HNF4A: variants seen among roughly 807,000 people sequenced by gnomAD.
HNF4A encodes the protein hepatocyte nuclear factor 4 alpha, also known as hepatocyte nuclear factor 4-alpha.
A neutral mutation model predicts 52.4 loss-of-function variants in HNF4A; 15 were observed. The observed-to-expected ratio is 0.29, with a 90% CI of 0.19 to 0.44. The LOEUF is 0.44. Among genes scored for constraint, HNF4A ranks in the 20% least tolerant of loss-of-function variants. The pLI, the probability that HNF4A is intolerant of heterozygous loss-of-function variation, is 1.00. For synonymous variants in HNF4A, 280 were observed against 264.4 expected (o/e 1.06, Z -0.57); for missense variants, 479 against 647.2 (o/e 0.74, Z 2.82).
intron 1 of HNF4A, among the ~76,000 whole-genome samples, chr20:44,362,106 T>C (rs1274938170): frequency 1.3e-5 from 2 of 152,158 alleles, no homozygotes; most frequent in African/African-American, 4.8e-5. Flanking sequence ...TGATTAATCT[T>C]ATTCCTAAAA....
chr20:44,359,301 C>A (rs1382418820), intron 1 of HNF4A, among the ~76,000 whole-genome samples: 1 of 152,210 alleles, frequency 6.6e-6, no homozygotes, highest in Non-Finnish European at 1.5e-5. Context: ...CCCATTATAA[C>A]CCAAACTGGC....
intron 1 of HNF4A, among the ~76,000 whole-genome samples, chr20:44,392,791 A>G (rs1196867357): frequency 6.6e-6 from 1 of 152,220 alleles, no homozygotes; most frequent in African/African-American, 2.4e-5. Flanking sequence ...CTGGAACCAG[A>G]GCTGGGGCAG....
At chr20:44,390,735 A>T (rs1046369832) in intron 1 of HNF4A, 23 of 692,922 alleles carry the variant, frequency 3.3e-5, no homozygotes, top group Middle Eastern at 2.3e-4. Flanking sequence ...TAGGAGAGAG[A>T]CACAGAACCA....
chr20:44,377,378 C>T (rs547069846), intron 1 of HNF4A, among the ~76,000 whole-genome samples: 1 of 152,198 alleles, frequency 6.6e-6, no homozygotes, highest in East Asian at 1.9e-4. Context: ...ACTGGAAACC[C>T]CAGCATCATG....
At chr20:44,368,087 T>A (rs934668705) in intron 1 of HNF4A, among the ~76,000 whole-genome samples, 13 of 44,578 alleles carry the variant, frequency 2.9e-4, no homozygotes, top group African/African-American at 1.2e-3. Flanking sequence ...TATATATATA[T>A]GTGTGTGTGT....
intron 3 of HNF4A, among the ~76,000 whole-genome samples, chr20:44,409,463 C>T (rs1243604231): frequency 6.6e-6 from 1 of 152,178 alleles, no homozygotes; most frequent in African/African-American, 2.4e-5. Flanking sequence ...CACTATGATT[C>T]CTCATAGGTG....
chr20:44,368,160 A>ATTTTTTTTTTTTTTTTTTTT (rs1181828023), intron 1 of HNF4A, among the ~76,000 whole-genome samples: 3 of 27,780 alleles, frequency 1.1e-4, no homozygotes, highest in Admixed American at 1.7e-3. Flanking sequence ...ATATATATAT[A>ATTTTTTTTTTTTTTTTTTTT]TTTTTTTTTT....
intron 1 of HNF4A, chr20:44,390,811 G>A (rs537223632): frequency 2.1e-5 from 13 of 619,744 alleles, no homozygotes; most frequent in African/African-American, 1.5e-4. Context: ...ACCCAGGAAC[G>A]TCCATGGCCC....
chr20:44,372,978 G>A (rs964374183), intron 1 of HNF4A: 5 of 152,340 alleles, frequency 3.3e-5, no homozygotes, highest in African/African-American at 1.2e-4. Flanking sequence ...TTGGACAGGT[G>A]ACTTTATCTC....
At chr20:44,386,280 G>C (rs2063222979) in intron 1 of HNF4A, among the ~76,000 whole-genome samples, 1 of 144,580 alleles carries the variant, frequency 6.9e-6, no homozygotes, top group Admixed American at 7.3e-5. Context: ...TGATTTTCCT[G>C]TCTCAGCCTC....
intron 1 of HNF4A, among the ~76,000 whole-genome samples, chr20:44,360,129 G>A (rs570217496): frequency 6.6e-6 from 1 of 152,280 alleles, no homozygotes; most frequent in African/African-American, 2.4e-5. Context: ...CTTCCACAGG[G>A]CCTGATCCCA....
At chr20:44,402,701 C>T in intron 1 of HNF4A, 1 of 1,085,030 alleles carries the variant, frequency 9.2e-7, no homozygotes. Flanking sequence ...CCCATCGGTC[C>T]CAGGCCAGCC....
In HNF4A at chr20:44,413,930, G is replaced by T. The variant is rs376508868; in HGVS notation, c.492+130G>T. 289 of 713,680 alleles carry T rather than the reference G, an allele frequency of 4.0e-4. 1 individual carries two copies. The East Asian group carries it at 6.0e-3, about 15-fold the overall frequency. 44.2% of individuals were successfully genotyped at this position (713,680 alleles called of 1,614,324 possible). On this transcript the variant is annotated intron_variant, in intron 4 of 9. Coordinates refer to ENST00000316099, the MANE Select transcript of HNF4A (RefSeq NM_000457.6). Reference sequence around the variant, plus strand: ...GAGGGGCCTCAGATATTACAGAAGGGACACTGAGTCCGGTTTCACATGGCC... The same window carrying T: ...GAGGGGCCTCAGATATTACAGAAGGTACACTGAGTCCGGTTTCACATGGCC...
chr20:44,367,187 T>G (rs1327116491), intron 1 of HNF4A, among the ~76,000 whole-genome samples: 1 of 151,866 alleles, frequency 6.6e-6, no homozygotes, highest in Non-Finnish European at 1.5e-5. Flanking sequence ...AATACAAAAT[T>G]AGCCAGGAGT....
In HNF4A at chr20:44,420,690, C is replaced by T. The variant is rs2063732650; in HGVS notation, c.892+814C>T. ...CAGCTACTCGGGAAGCCAAGGTGAG[C>T]ACCTGCAGTCCCAGCTACTCAGGAG... On this transcript the variant is annotated intron_variant, in intron 7 of 9. Transcript: ENST00000316099. Among the ~76,000 whole-genome samples the T allele has an allele frequency of 3.9e-5, 6 of 152,030 alleles. No homozygotes were observed. In the South Asian group the frequency reaches 1.2e-3, roughly 32 times the overall value.
intron 1 of HNF4A, among the ~76,000 whole-genome samples, chr20:44,384,153 T>C (rs192738183): frequency 0.063 from 6,025 of 94,962 alleles, 269 homozygotes; most frequent in African/African-American, 0.13. Context: ...GCCTGGCCCC[T>C]GGCTCCTTTT....
At chr20:44,390,113 G>A (rs756281335) in intron 1 of HNF4A, among the ~76,000 whole-genome samples, 1 of 152,148 alleles carries the variant, frequency 6.6e-6, no homozygotes, top group Non-Finnish European at 1.5e-5. Context: ...GTTTACAGTC[G>A]TGGAGGGAAA....
intron 9 of HNF4A, among the ~76,000 whole-genome samples, chr20:44,429,320 C>T (rs570184331): frequency 6.6e-6 from 1 of 151,104 alleles, no homozygotes; most frequent in East Asian, 2.0e-4. Context: ...AAAACTTAGG[C>T]TTTATGATCT....
chr20:44,425,114 T>C (rs1290484251), intron 8 of HNF4A, among the ~76,000 whole-genome samples: 1 of 152,204 alleles, frequency 6.6e-6, no homozygotes, highest in African/African-American at 2.4e-5. Context: ...CCTGAGTAGT[T>C]GGGATTACAG....
Sources: gnomAD v4.1 joint callset for allele counts (sites outside exome capture counted in the v4.1 genomes callset) on GRCh38, gnomAD v4.1.1 for gene constraint, MANE v1.5 for transcripts, NCBI Gene and HGNC (gene_info 2026-07-23, HGNC 2026-07-21) for gene names.